DDX60: variants seen among roughly 807,000 people sequenced by gnomAD.
The protein encoded by DDX60 is DExD/H-box helicase 60, also known as probable ATP-dependent RNA helicase DDX60.
In DDX60, 165 loss-of-function variants were observed where a neutral mutation model predicts 212.8. The ratio of observed to expected loss-of-function variants is 0.78; its 90% CI spans 0.68 to 0.88. The LOEUF is 0.88. Among genes scored for constraint, DDX60 ranks in the 40% least tolerant of loss-of-function variants. The probability of loss-of-function intolerance (pLI) is 0.00; values close to 1 mark genes in which losing one functional copy is unlikely to be tolerated. For synonymous variants in DDX60, 703 were observed against 685.3 expected (o/e 1.03, Z -0.40); for missense variants, 1,905 against 2,003.9 (o/e 0.95, Z 0.94).
Position 168,217,049 on chromosome 4 carries a change from A to T in DDX60, c.5040-17T>A, listed in dbSNP as rs987295471. 6.5e-7 allele frequency: 1 copy of T among 1,544,600 alleles called. No homozygotes were observed. Among genetic ancestry groups the T allele is most frequent in the Admixed American group, 1.8e-5 (1 of 56,848 alleles). On this transcript the variant is annotated splice_polypyrimidine_tract_variant and intron_variant, in intron 37 of 37. Coordinates refer to ENST00000393743, the MANE Select transcript of DDX60 (RefSeq NM_017631.6). ...AAGGAAACACTGGAAATGGGGAAAA[A>T]AATATAGGATCCACTTTAGTGAGAT...
At chr4:168,318,799 C>T (rs1230012848), upstream of DDX60, 2 of 152,270 alleles carry the variant, frequency 1.3e-5, no homozygotes, top group Non-Finnish European at 2.9e-5. Flanking sequence ...GCGGGAGTTT[C>T]GGTTTCCTTT....
chr4:168,274,737 C>T (rs1307184477), intron 16 of DDX60, among the ~76,000 whole-genome samples: 1 of 146,480 alleles, frequency 6.8e-6, no homozygotes, highest in Non-Finnish European at 1.5e-5. Flanking sequence ...AGGCACCATG[C>T]ATTTTTTAAC....
intron 9 of DDX60, 34 bp from the exon 10 acceptor site, chr4:168,287,237 G>T: frequency 1.3e-6 from 2 of 1,538,392 alleles, no homozygotes; most frequent in Non-Finnish European, 1.8e-6. Context: ...AATACTAGAA[G>T]CCATCCACTC....
At chr4:168,249,294 C>A (rs2149503787) in intron 28 of DDX60, among the ~76,000 whole-genome samples, 1 of 152,152 alleles carries the variant, frequency 6.6e-6, no homozygotes, top group East Asian at 1.9e-4. Flanking sequence ...AGATAATCCT[C>A]TTTTCATATA....
chr4:168,303,098 C>T (rs188217366), intron 5 of DDX60, among the ~76,000 whole-genome samples: 4,643 of 151,784 alleles, frequency 0.031, 84 homozygotes, highest in Non-Finnish European at 0.046. Flanking sequence ...GTCAGGAGAT[C>T]GAGACCATCC....
intron 30 of DDX60, 86 bp from the exon 31 acceptor site, chr4:168,237,881 C>A: frequency 2.1e-6 from 2 of 934,792 alleles, no homozygotes; most frequent in Non-Finnish European, 3.1e-6. Context: ...AGATCAATAT[C>A]TATTATACCA....
rs778243712 is a variant in DDX60 at position 168,267,908 on chromosome 4, A to C, written c.2862T>G (p.His954Gln). 1.2e-6 allele frequency: 2 copies of C among 1,613,520 alleles called. No individual in the cohort carries two copies. Among genetic ancestry groups the C allele is most frequent in the Non-Finnish European group, 1.7e-6 (2 of 1,179,646 alleles). ...IIENNTASKR[H>Q]VGRQAGFPKD... Reference sequence around the variant, plus strand: ...TGGGAAAGCCGGCCTGACGACCCACATGTCTTTTAGAAGCGGTATTATTTT... The same window carrying C: ...TGGGAAAGCCGGCCTGACGACCCACCTGTCTTTTAGAAGCGGTATTATTTT... Residue 954 changes from histidine (H) to glutamine (Q), a missense_variant, in exon 21 of 38, where the codon CAT (histidine) becomes CAG (glutamine). Coordinates refer to ENST00000393743, the MANE Select transcript of DDX60 (RefSeq NM_017631.6).
At chr4:168,288,465 CT>C (rs1445524517) in intron 8 of DDX60, 150 bp from the exon 9 acceptor site, 1 of 499,264 alleles carries the variant, frequency 2.0e-6, no homozygotes, top group African/African-American at 2.0e-5. Flanking sequence ...ATGGTGAATG[CT>C]TTACACCTTA....
chr4:168,252,840 T>G (rs1259935457), intron 26 of DDX60, among the ~76,000 whole-genome samples, 184 bp from the exon 27 acceptor site: 4 of 152,148 alleles, frequency 2.6e-5, no homozygotes, highest in African/African-American at 4.8e-5. Context: ...AGTCTTTCTC[T>G]GTCACCCAGG....
At chr4:168,306,744 AT>A in intron 4 of DDX60, 24 bp from the exon 5 acceptor site, 1 of 1,523,776 alleles carries the variant, frequency 6.6e-7, no homozygotes, top group Non-Finnish European at 9.0e-7. Context: ...GGTGAAGTAC[AT>A]TTTATTTCAA....
chr4:168,242,177 C>T (rs1733864035), intron 30 of DDX60, among the ~76,000 whole-genome samples: 1 of 152,180 alleles, frequency 6.6e-6, no homozygotes, highest in Non-Finnish European at 1.5e-5. Flanking sequence ...GATGTCCAGG[C>T]AGAAGTTTGC....
intron 33 of DDX60, among the ~76,000 whole-genome samples, chr4:168,227,135 G>C (rs183673490): frequency 1.3e-5 from 2 of 151,632 alleles, no homozygotes; most frequent in African/African-American, 4.8e-5. Context: ...TACATATATA[G>C]TGATGTTATC....
At chr4:168,233,912 A>G (rs1331514257) in intron 33 of DDX60, among the ~76,000 whole-genome samples, 2 of 152,122 alleles carry the variant, frequency 1.3e-5, no homozygotes, top group Non-Finnish European at 2.9e-5. Context: ...AGTATCTTTG[A>G]TATAAGTATA....
Position 168,262,763 on chromosome 4 carries a change from C to T in DDX60, c.3064G>A (p.Asp1022Asn). 6.2e-7 allele frequency: 1 copy of T among 1,610,708 alleles called. No individual in the cohort carries two copies. The highest frequency in any genetic ancestry group is 8.5e-7 in the Non-Finnish European group (1 of 1,178,184). ...CTTTCTCGAGGTGAAAGGGTAAGAT[C>T]AGGAGGGAATCCATACCTTTCAATC... ...DHIERYGFPP[D>N]LTLSPRESIQ... is the part of the protein sequence containing the mutation. Residue 1022 changes from aspartate (D) to asparagine (N), a missense_variant, in exon 23 of 38, where the codon GAT (aspartate) becomes AAT (asparagine). Physicochemically the swap from Asp to Asn is conservative, Grantham distance 23. Coordinates refer to ENST00000393743, the MANE Select transcript of DDX60 (RefSeq NM_017631.6).
At chr4:168,316,166 C>T (rs1737361639) in intron 1 of DDX60, among the ~76,000 whole-genome samples, 1 of 152,136 alleles carries the variant, frequency 6.6e-6, no homozygotes, top group African/African-American at 2.4e-5. Flanking sequence ...AACAAGAGAA[C>T]CCATGGTACT....
chr4:168,290,140 T>A (rs1004053359), intron 8 of DDX60, among the ~76,000 whole-genome samples: 2 of 152,088 alleles, frequency 1.3e-5, no homozygotes, highest in Admixed American at 1.3e-4. Flanking sequence ...CTTTCCCATA[T>A]TTTTGCTACC....
chr4:168,261,966 A>G, intron 24 of DDX60, 34 bp downstream of exon 24: 1 of 1,566,514 alleles, frequency 6.4e-7, no homozygotes, highest in Non-Finnish European at 8.6e-7. Flanking sequence ...AAACAACAAA[A>G]ATAAAGTTTG....
At position 168,280,309 on chromosome 4, in the gene DDX60, C is replaced by T. The variant is rs570004044; in HGVS notation, c.1978+26G>A. Reference sequence around the variant, plus strand: ...CATTTGTATTAATTCTCCAACTCACCGAAATAACAAAACAGAATTACATAC... The same window carrying T: ...CATTTGTATTAATTCTCCAACTCACTGAAATAACAAAACAGAATTACATAC... On this transcript the variant is annotated intron_variant, in intron 14 of 37. Coordinates refer to ENST00000393743, the MANE Select transcript of DDX60 (RefSeq NM_017631.6). 22 of 1,577,622 alleles carry T rather than the reference C, an allele frequency of 1.4e-5. No homozygotes were observed. The South Asian group carries it at 1.4e-4, about 10-fold the overall frequency.
At position 168,276,064 on chromosome 4, in the gene DDX60, A is replaced by C. The variant is rs1560848977; in HGVS notation, c.2096T>G (p.Leu699Arg). ...EDDRQLIARCLKYLGFDELAS... is the reference protein window; with the variant it reads ...EDDRQLIARCRKYLGFDELAS... ...CAACTCATCAAATCCTAAATACTTA[A>C]GGCATCTGGCTATGAGTTGCCGATC... is the stretch of plus-strand genomic sequence containing the variant. Residue 699 changes from leucine (L) to arginine (R), a missense_variant, in exon 15 of 38, where the codon CTT becomes CGT. By Grantham distance (102) the Leu-to-Arg change is moderately radical. Coordinates refer to ENST00000393743, the MANE Select transcript of DDX60 (RefSeq NM_017631.6). The C allele has an allele frequency of 1.2e-6, 2 of 1,613,616 alleles. No individual in the cohort carries two copies. The highest frequency in any genetic ancestry group is 1.7e-6 in the Non-Finnish European group (2 of 1,179,714).
Sources: gnomAD v4.1 joint callset for allele counts (sites outside exome capture counted in the v4.1 genomes callset) on GRCh38, gnomAD v4.1.1 for gene constraint, MANE v1.5 for transcripts, NCBI Gene and HGNC (gene_info 2026-07-23, HGNC 2026-07-21) for gene names.